The following RIPOR3 variants were observed in gnomAD, a reference collection of about 807,000 sequenced individuals.
RIPOR3 encodes RIPOR family member 3.
RIPOR3 carries 95 observed loss-of-function variants against 114.3 expected under a neutral mutation model. That is an observed-to-expected ratio of 0.83 (90% confidence interval 0.70 to 0.99). The LOEUF (loss-of-function observed/expected upper bound fraction) is 0.99. Ranked by LOEUF, RIPOR3 falls within the 50% of genes least tolerant of loss-of-function variation. RIPOR3 has a pLI of 0.00. For synonymous variants in RIPOR3, 575 were observed against 543.8 expected (o/e 1.06, Z -0.80); for missense variants, 1,252 against 1,266.9 (o/e 0.99, Z 0.18).
intron 1 of RIPOR3, among the ~76,000 whole-genome samples, chr20:50,677,395 G>A (rs1159849732): frequency 1.1e-4 from 15 of 134,016 alleles, no homozygotes; most frequent in African/African-American, 3.4e-4. Flanking sequence ...TTTTTAGACC[G>A]AGTTCTGCTC....
At position 50,630,737 on chromosome 20, in the gene RIPOR3, C is replaced by G; in HGVS notation, c.122+1G>C. On this transcript the variant is annotated splice_donor_variant, in intron 2 of 21. Transcript: ENST00000327979. LOFTEE classifies it high-confidence loss of function. ...CGAAACAGGACACGGGGGGAACTTA[C>G]GCGATCCTCCGGCTCTGTGCACTGC... 1 of 1,603,950 alleles carries G rather than the reference C, an allele frequency of 6.2e-7. No homozygotes were observed. The highest frequency in any genetic ancestry group is 8.5e-7 in the Non-Finnish European group (1 of 1,175,100).
chr20:50,646,190 C>T (rs1015218806), intron 1 of RIPOR3, among the ~76,000 whole-genome samples: 1 of 151,960 alleles, frequency 6.6e-6, no homozygotes, highest in Non-Finnish European at 1.5e-5. Flanking sequence ...TGCAGTGGTG[C>T]GGTCACAGCT....
rs147966599 is a variant in RIPOR3 at position 50,617,541 on chromosome 20, C to A, written c.270-1461G>T. Among the ~76,000 whole-genome samples the A allele has an allele frequency of 6.3e-3, 961 of 152,168 alleles. 2 individuals carry two copies. The highest frequency in any genetic ancestry group is 9.7e-3 in the Non-Finnish European group (660 of 67,998). ...CAAGGAATCTGCCTGCCTCGGCCCCCCAAAGTGCTGGGATTACAGGGTAGC... is the reference window on the plus strand; with the variant it reads ...CAAGGAATCTGCCTGCCTCGGCCCCACAAAGTGCTGGGATTACAGGGTAGC... On this transcript the variant is annotated intron_variant, in intron 3 of 21. Transcript: ENST00000327979.
At chr20:50,608,982 C>G in intron 8 of RIPOR3, 27 bp from the exon 9 acceptor site, 1 of 1,557,926 alleles carries the variant, frequency 6.4e-7, no homozygotes, top group Non-Finnish European at 8.7e-7. Context: ...GCCGGTCTCC[C>G]CTCCGCCTTC....
chr20:50,624,570 C>T (rs755870258), intron 2 of RIPOR3, among the ~76,000 whole-genome samples: 19 of 152,336 alleles, frequency 1.2e-4, no homozygotes, highest in Admixed American at 3.9e-4. Context: ...CCCGCCCACC[C>T]GGGGAAGGTG....
At chr20:50,617,738 G>T (rs1321104297) in intron 3 of RIPOR3, among the ~76,000 whole-genome samples, 4 of 145,500 alleles carry the variant, frequency 2.7e-5, no homozygotes, top group African/African-American at 1.0e-4. Context: ...TGATTCTCCT[G>T]CCTCAGCCTC....
At position 50,665,460 on chromosome 20, in the gene RIPOR3, G is replaced by A. The variant is rs193290873; in HGVS notation, c.3+25666C>T. ...TTTTGAGATGGAGTCTCGCCCTGTC[G>A]CCCAGGCTGGAGGGCAGTGGTGTGA... On this transcript the variant is annotated intron_variant, in intron 1 of 21. Coordinates refer to ENST00000327979, the MANE Select transcript of RIPOR3 (RefSeq NM_001290268.2). 2.3e-3 allele frequency among the ~76,000 whole-genome samples: 267 copies of A among 115,142 alleles called. 1 individual carries two copies. Among genetic ancestry groups the A allele is most frequent in the Admixed American group, 3.5e-3 (27 of 7,662 alleles). 75.5% of individuals were successfully genotyped at this position (115,142 alleles called of 152,430 possible). A position where few individuals can be genotyped will look rare whatever the true frequency, so the allele number is the denominator to read the frequency against.
At position 50,592,979 on chromosome 20, in the gene RIPOR3, G is replaced by A. The variant is rs140829826; in HGVS notation, c.2374+56C>T. ...TGAATTATAACCTGAGAAACTGCAT[G>A]TGACAGGGCTCCGTGGATATTCCTC... On this transcript the variant is annotated intron_variant, in intron 18 of 21. Coordinates refer to ENST00000327979, the MANE Select transcript of RIPOR3 (RefSeq NM_001290268.2). 1.9e-6 allele frequency: 3 copies of A among 1,590,340 alleles called. No homozygotes were observed. In the African/African-American group the frequency reaches 4.0e-5, roughly 21 times the overall value.
intron 1 of RIPOR3, among the ~76,000 whole-genome samples, chr20:50,663,061 T>C (rs2086052159): frequency 2.1e-5 from 3 of 141,288 alleles, no homozygotes; most frequent in East Asian, 2.1e-4. Context: ...CTCACCACTG[T>C]ACTCCAGCCC....
At chr20:50,653,333 G>C (rs984839631) in intron 1 of RIPOR3, 2 of 152,160 alleles carry the variant, frequency 1.3e-5, no homozygotes, top group Admixed American at 6.6e-5. Flanking sequence ...ATTACTAATA[G>C]GTATGGGGTT....
chr20:50,682,349 T>C (rs6020687), intron 1 of RIPOR3, among the ~76,000 whole-genome samples: 123,346 of 152,218 alleles, frequency 0.81, 50,985 homozygotes, highest in East Asian at 0.96. Flanking sequence ...GGCTCACACC[T>C]GTAATCCCAG....
At chr20:50,621,865 A>G (rs191261269) in intron 2 of RIPOR3, among the ~76,000 whole-genome samples, 2 of 152,310 alleles carry the variant, frequency 1.3e-5, no homozygotes, top group East Asian at 3.9e-4. Context: ...ACTGCCTTTC[A>G]GTGGTGATGG....
At position 50,609,619 on chromosome 20, in the gene RIPOR3, CGGGCT is replaced by C; in HGVS notation, c.525_529del (p.Ala176ArgfsTer51). ...GCGGCCCAGCTCCTGCAGGCTCTCT[CGGGCT>C]GCGCGGCTCGGGGGGCACCGGGCGA... On this transcript the variant is annotated frameshift_variant, in exon 7 of 22. Coordinates refer to ENST00000327979, the MANE Select transcript of RIPOR3 (RefSeq NM_001290268.2). LOFTEE classifies it high-confidence loss of function. The C allele has an allele frequency of 7.1e-7, 1 of 1,409,290 alleles. No individual in the cohort carries two copies. Among genetic ancestry groups the C allele is most frequent in the Non-Finnish European group, 9.2e-7 (1 of 1,085,998 alleles). 87.3% of individuals were successfully genotyped at this position (1,409,290 alleles called of 1,614,324 possible).
At chr20:50,596,389 A>T (rs570701658) in intron 14 of RIPOR3, 126 bp from the exon 15 acceptor site, 2 of 1,340,680 alleles carry the variant, frequency 1.5e-6, no homozygotes, top group African/African-American at 2.9e-5. Flanking sequence ...AGGAAGTTCA[A>T]CTGAAGAGGA....
At chr20:50,672,354 G>T (rs994709561) in intron 1 of RIPOR3, among the ~76,000 whole-genome samples, 1 of 152,180 alleles carries the variant, frequency 6.6e-6, no homozygotes, top group African/African-American at 2.4e-5. Context: ...GGGGCCCCCT[G>T]CTGAGCTCAG....
chr20:50,633,975 CTTTT>C (rs2084901415), intron 1 of RIPOR3, among the ~76,000 whole-genome samples: 1 of 128,956 alleles, frequency 7.8e-6, no homozygotes, highest in Admixed American at 7.3e-5. Flanking sequence ...TTCTTTCTTT[CTTTT>C]CTTTTTTTTT....
chr20:50,660,655 C>G (rs1043039118), intron 1 of RIPOR3, among the ~76,000 whole-genome samples: 1 of 152,000 alleles, frequency 6.6e-6, no homozygotes, highest in Non-Finnish European at 1.5e-5. Flanking sequence ...ACAAACACCC[C>G]CTATCCAAAT....
At chr20:50,646,669 C>T (rs1164386881) in intron 1 of RIPOR3, among the ~76,000 whole-genome samples, 1 of 152,168 alleles carries the variant, frequency 6.6e-6, no homozygotes, top group Non-Finnish European at 1.5e-5. Context: ...ATTCCTGATG[C>T]TCAGAGTGGA....
chr20:50,642,100 A>G (rs532460172), intron 1 of RIPOR3, among the ~76,000 whole-genome samples: 11 of 152,174 alleles, frequency 7.2e-5, no homozygotes, highest in African/African-American at 2.6e-4. Flanking sequence ...ACATTTGGCT[A>G]CTACTCTTAG....
Sources: gnomAD v4.1 joint callset for allele counts (sites outside exome capture counted in the v4.1 genomes callset) on GRCh38, gnomAD v4.1.1 for gene constraint, MANE v1.5 for transcripts, NCBI Gene and HGNC (gene_info 2026-07-23, HGNC 2026-07-21) for gene names.